Variants in OPRM1 observed in about 807,000 individuals in gnomAD.
OPRM1 encodes the protein opioid receptor mu 1, also known as mu-type opioid receptor.
In OPRM1, 27 loss-of-function variants were observed where a neutral mutation model predicts 31.8. The observed-to-expected ratio is 0.85, with a 90% CI of 0.63 to 1.17. The LOEUF (loss-of-function observed/expected upper bound fraction) is 1.17, where lower values mean the gene tolerates loss of function less well. Ranked by LOEUF, OPRM1 falls within the 50% of genes most tolerant of loss-of-function variation. OPRM1 has a pLI of 0.00. For synonymous variants in OPRM1, 196 were observed against 189.9 expected, an observed-to-expected ratio of 1.03 and a Z score of -0.26; for missense variants, 536 against 511.1, an observed-to-expected ratio of 1.05 and a Z score of -0.47.
intron 3 of OPRM1, among the ~76,000 whole-genome samples, chr6:154,144,531 G>A (rs1237906482): frequency 2.0e-5 from 3 of 152,032 alleles, no homozygotes; most frequent in Non-Finnish European, 4.4e-5. Flanking sequence ...TGGATCACCC[G>A]AGGTCAGGAG....
rs1235550873 is a variant in OPRM1 at position 154,141,578 on chromosome 6, G to T, written c.1164+50106G>T. ...GCCTCAGGAGGTCCTGACGACATGT[G>T]CCCAAGGTGGTCAGAGCACAGTTTG... On this transcript the variant is annotated intron_variant, in intron 3 of 3. Coordinates refer to the OPRM1 transcript ENST00000337049. Among the ~76,000 whole-genome samples, 4 of 152,214 alleles carry T rather than the reference G, an allele frequency of 2.6e-5. No homozygotes were observed. The East Asian group carries it at 7.7e-4, about 29-fold the overall frequency.
intron 3 of OPRM1, among the ~76,000 whole-genome samples, chr6:154,140,828 G>A (rs562997359): frequency 6.6e-6 from 1 of 152,224 alleles, no homozygotes; most frequent in Non-Finnish European, 1.5e-5. Flanking sequence ...CATCCTATTG[G>A]CCACTTCCTA....
At position 154,049,289 on chromosome 6, in the gene OPRM1, A is replaced by G. The variant is rs1227189074; in HGVS notation, c.290+9455A>G. On this transcript the variant is annotated intron_variant, in intron 1 of 3. Transcript: ENST00000330432. ...AGTGAAGTCACCACCACCACCAACAACAACAACAAAAAAACACAGAAATGT... is the reference window on the plus strand; with the variant it reads ...AGTGAAGTCACCACCACCACCAACAGCAACAACAAAAAAACACAGAAATGT... 4.6e-5 allele frequency among the ~76,000 whole-genome samples: 7 copies of G among 151,912 alleles called. 1 individual carries two copies. The highest frequency in any genetic ancestry group is 2.0e-4 in the Admixed American group (3 of 15,254).
chr6:154,238,494 G>A (rs527345069), intron 3 of OPRM1, among the ~76,000 whole-genome samples: 42 of 152,160 alleles, frequency 2.8e-4, no homozygotes, highest in Admixed American at 2.2e-3. Flanking sequence ...TCAAACTCCC[G>A]ACCTCAGGTG....
At chr6:154,109,081 C>G in intron 3 of OPRM1, 1 of 973,420 alleles carries the variant, frequency 1.0e-6, no homozygotes, top group Non-Finnish European at 1.2e-6. Flanking sequence ...ATGTTAGCCT[C>G]ACTCTAATAG....
In OPRM1 at chr6:154,127,629, G is replaced by T. The variant is rs1262367672; in HGVS notation, c.*8908G>T. Among the ~76,000 whole-genome samples, 1 of 151,970 alleles carries T rather than the reference G, an allele frequency of 6.6e-6. No individual in the cohort carries two copies. Among genetic ancestry groups the T allele is most frequent in the South Asian group, 2.1e-4 (1 of 4,796 alleles). ...CCGGCTACAACCCTCCCCACCCCTC[G>T]CTTTCACTAAATAACAACTCTCTTC... On this transcript the variant is annotated 3_prime_UTR_variant, in exon 4 of 4. Transcript: ENST00000330432.
At chr6:154,152,391 A>G (rs561274419) in intron 3 of OPRM1, among the ~76,000 whole-genome samples, 1 of 137,468 alleles carries the variant, frequency 7.3e-6, no homozygotes, top group Non-Finnish European at 1.6e-5. Context: ...AAAGAAAGAA[A>G]GAGAAATAGT....
downstream of OPRM1, among the ~76,000 whole-genome samples, chr6:154,134,307 C>A (rs1056550016): frequency 6.6e-5 from 10 of 152,180 alleles, no homozygotes; most frequent in Non-Finnish European, 1.5e-4. Flanking sequence ...AGGAGAGAGA[C>A]CTCACCATGG....
intron 3 of OPRM1, among the ~76,000 whole-genome samples, chr6:154,206,154 G>A (rs980594189): frequency 6.6e-6 from 1 of 152,014 alleles, no homozygotes; most frequent in Non-Finnish European, 1.5e-5. Context: ...TATCAAGAGG[G>A]GCAAGTGATA....
intron 1 of OPRM1, among the ~76,000 whole-genome samples, chr6:154,086,044 A>C (rs972022447): frequency 8.6e-5 from 13 of 151,854 alleles, no homozygotes; most frequent in African/African-American, 3.1e-4. Context: ...GACAGGGTTG[A>C]CCAGGCTGGT....
intron 3 of OPRM1, among the ~76,000 whole-genome samples, chr6:154,244,262 C>T (rs1348329197): frequency 2.6e-5 from 4 of 151,368 alleles, no homozygotes; most frequent in African/African-American, 9.7e-5. Flanking sequence ...TTTTCCCTCA[C>T]AGTAAACATA....
At chr6:154,163,119 C>T (rs1799156856) in intron 3 of OPRM1, among the ~76,000 whole-genome samples, 3 of 152,162 alleles carry the variant, frequency 2.0e-5, no homozygotes, top group African/African-American at 7.2e-5. Flanking sequence ...CAGAACCTTC[C>T]AGAGGGTCAC....
intron 3 of OPRM1, among the ~76,000 whole-genome samples, chr6:154,192,192 T>C (rs1185899156): frequency 6.6e-6 from 1 of 152,226 alleles, no homozygotes; most frequent in Non-Finnish European, 1.5e-5. Context: ...GACAAATTGC[T>C]TTCTAAATTG....
intron 3 of OPRM1, among the ~76,000 whole-genome samples, chr6:154,237,820 A>T (rs1487529025): frequency 6.6e-6 from 1 of 152,080 alleles, no homozygotes; most frequent in Non-Finnish European, 1.5e-5. Context: ...ATACACATGC[A>T]TATCTATATA....
chr6:154,039,225 C>G, upstream of OPRM1: 1 of 1,551,688 alleles, frequency 6.4e-7, no homozygotes, highest in Non-Finnish European at 8.7e-7. Flanking sequence ...GCGCAAAATC[C>G]ACCCCTTTTC....
intron 3 of OPRM1, among the ~76,000 whole-genome samples, chr6:154,227,601 C>T (rs1243887903): frequency 6.6e-6 from 1 of 152,040 alleles, no homozygotes; most frequent in African/African-American, 2.4e-5. Flanking sequence ...GCCTATATTC[C>T]CAGCTACTTG....
intron 3 of OPRM1, chr6:154,212,804 G>A: frequency 6.2e-7 from 1 of 1,613,548 alleles, no homozygotes; most frequent in Non-Finnish European, 8.5e-7. Context: ...AGGAGGGGGT[G>A]GTGTCTCCGC....
At chr6:154,111,200 G>A (rs1796326353) in intron 3 of OPRM1, among the ~76,000 whole-genome samples, 1 of 152,168 alleles carries the variant, frequency 6.6e-6, no homozygotes, top group Non-Finnish European at 1.5e-5. Flanking sequence ...ATGGAGCTTG[G>A]AAGAGGGGAT....
rs1778900047 is a variant in OPRM1 at position 154,221,940 on chromosome 6, G to A, written c.1165-24753G>A. 2.6e-5 allele frequency among the ~76,000 whole-genome samples: 4 copies of A among 152,238 alleles called. No homozygotes were observed. The South Asian group carries it at 8.3e-4, about 32-fold the overall frequency. ...ATCCTCTTCCTTTCACTTGCTAACT[G>A]CTTTGCTATAAAGATACAATAAATT... On this transcript the variant is annotated intron_variant, in intron 3 of 3. Transcript: ENST00000337049.
Sources: gnomAD v4.1 joint callset for allele counts (sites outside exome capture counted in the v4.1 genomes callset) on GRCh38, gnomAD v4.1.1 for gene constraint, MANE v1.5 for transcripts, NCBI Gene and HGNC (gene_info 2026-07-23, HGNC 2026-07-21) for gene names.